The following TMEM117 variants were observed in gnomAD, a reference collection of about 807,000 sequenced individuals.
TMEM117 encodes transmembrane protein 117.
TMEM117 carries 27 observed loss-of-function variants against 52.4 expected under a neutral mutation model. The observed-to-expected ratio is 0.51, with a 90% CI of 0.38 to 0.71. TMEM117 has a LOEUF of 0.71. Among genes scored for constraint, TMEM117 ranks in the 30% least tolerant of loss-of-function variants. The probability of loss-of-function intolerance (pLI) is 0.00; values close to 1 mark genes in which losing one functional copy is unlikely to be tolerated. For missense variants in TMEM117, 556 were observed against 630.5 expected (o/e 0.88, Z 1.26); for synonymous variants, 215 against 206.3 (o/e 1.04, Z -0.36).
chr12:44,151,851 TATA>T lies in TMEM117; in HGVS notation c.510+8231_510+8233del, dbSNP rs540608518. On this transcript the variant is annotated intron_variant, in intron 4 of 7. Transcript: ENST00000266534. Reference sequence around the variant, plus strand: ...TTTAGAATAATGTTTATATATAATATATAATATTATATTTAATATATTATATAT... The same window carrying T: ...TTTAGAATAATGTTTATATATAATATATATTATATTTAATATATTATATAT... 1.4e-3 allele frequency among the ~76,000 whole-genome samples: 185 copies of T among 134,356 alleles called. 2 individuals carry two copies. Among genetic ancestry groups the T allele is most frequent in the African/African-American group, 4.7e-3 (172 of 36,786 alleles). The allele number at this position is 134,356 out of a possible 152,430, so 88.1% of individuals were successfully genotyped here.
chr12:43,797,554 TGGA>T, the TMEM117 span: 1 of 1,369,938 alleles, frequency 7.3e-7, no homozygotes, highest in Admixed American at 2.5e-5. Context: ...AACTTAGTTC[TGGA>T]TGGTTTGACT....
intron 3 of TMEM117, among the ~76,000 whole-genome samples, chr12:44,079,176 A>G (rs1310652792): frequency 1.3e-5 from 2 of 152,192 alleles, no homozygotes; most frequent in East Asian, 3.9e-4. Context: ...ATAAACATAT[A>G]TGTGCATGGT....
intron 2 of TMEM117, among the ~76,000 whole-genome samples, chr12:43,923,351 G>T (rs1319291089): frequency 6.6e-6 from 1 of 152,166 alleles, no homozygotes; most frequent in African/African-American, 2.4e-5. Flanking sequence ...GCATTTAATA[G>T]CTACCTAAAA....
At chr12:43,912,149 A>T (rs1190314061) in intron 2 of TMEM117, among the ~76,000 whole-genome samples, 1 of 150,440 alleles carries the variant, frequency 6.6e-6, no homozygotes, top group East Asian at 1.9e-4. Context: ...CATATACACC[A>T]TGGAATACTA....
At chr12:44,268,260 C>T (rs914829241) in intron 5 of TMEM117, among the ~76,000 whole-genome samples, 4 of 151,956 alleles carry the variant, frequency 2.6e-5, no homozygotes, top group African/African-American at 7.3e-5. Context: ...GCCTCAAGCT[C>T]CCAAGTAGCT....
chr12:43,820,819 T>C, the TMEM117 span, among the ~76,000 whole-genome samples: 10 of 151,778 alleles, frequency 6.6e-5, no homozygotes, highest in Admixed American at 5.9e-4. Context: ...AAGCATAAAG[T>C]GGCCGGGCGC....
rs148914104 is a variant in TMEM117 at position 44,297,832 on chromosome 12, A to T, written c.609-1748A>T. 4.5e-3 allele frequency among the ~76,000 whole-genome samples: 690 copies of T among 152,324 alleles called. 5 individuals are homozygous for T. Among genetic ancestry groups the T allele is most frequent in the African/African-American group, 0.015 (631 of 41,580 alleles). ...ATTTTGCTTAAATCCCACTATTCTT[A>T]TTACATAATACTTGCAATTTCTATC... On this transcript the variant is annotated intron_variant, in intron 5 of 7. Transcript: ENST00000266534.
chr12:44,129,733 A>G (rs1948384908), intron 3 of TMEM117, among the ~76,000 whole-genome samples: 1 of 152,214 alleles, frequency 6.6e-6, no homozygotes, highest in African/African-American at 2.4e-5. Flanking sequence ...TCCCCTTAAG[A>G]GGTACCAAGA....
At chr12:44,005,780 T>C (rs1308179727) in intron 3 of TMEM117, among the ~76,000 whole-genome samples, 1 of 152,198 alleles carries the variant, frequency 6.6e-6, no homozygotes, top group Non-Finnish European at 1.5e-5. Flanking sequence ...TGGAAGGTCA[T>C]TGAATAATGG....
At chr12:44,263,176 A>G (rs1950339908) in intron 5 of TMEM117, among the ~76,000 whole-genome samples, 1 of 152,172 alleles carries the variant, frequency 6.6e-6, no homozygotes, top group Non-Finnish European at 1.5e-5. Flanking sequence ...TGTTGCTTTT[A>G]TCTATAACAA....
At chr12:44,385,073 C>T (rs897036273) in intron 7 of TMEM117, among the ~76,000 whole-genome samples, 32 of 151,996 alleles carry the variant, frequency 2.1e-4, no homozygotes, top group Admixed American at 1.9e-3. Flanking sequence ...ATAGAATAAC[C>T]GTGGTCTAGA....
intron 6 of TMEM117, among the ~76,000 whole-genome samples, chr12:44,353,546 A>G (rs1415481409): frequency 2.6e-5 from 4 of 152,058 alleles, no homozygotes; most frequent in Admixed American, 2.6e-4. Flanking sequence ...CCATTTATTA[A>G]ATAGGGAATC....
At chr12:43,962,350 A>T (rs1165163265) in intron 3 of TMEM117, among the ~76,000 whole-genome samples, 1 of 152,224 alleles carries the variant, frequency 6.6e-6, no homozygotes, top group Non-Finnish European at 1.5e-5. Flanking sequence ...AACATAATTA[A>T]GTTAGTGTCA....
intron 5 of TMEM117, among the ~76,000 whole-genome samples, chr12:44,255,705 G>T (rs1950252364): frequency 6.6e-6 from 1 of 152,006 alleles, no homozygotes; most frequent in Middle Eastern, 3.2e-3. Flanking sequence ...ACATGCATAG[G>T]TATAGAGAAA....
At chr12:44,247,678 G>C (rs983709116) in intron 5 of TMEM117, among the ~76,000 whole-genome samples, 3 of 152,182 alleles carry the variant, frequency 2.0e-5, no homozygotes, top group Non-Finnish European at 2.9e-5. Context: ...CTAATCACCA[G>C]AGCAGCGCAA....
chr12:44,241,395 CAT>C (rs762485672), intron 5 of TMEM117, among the ~76,000 whole-genome samples: 43 of 149,818 alleles, frequency 2.9e-4, no homozygotes, highest in Non-Finnish European at 4.7e-4. Flanking sequence ...ATTAAAAAGA[CAT>C]AGTGATTCCT....
At chr12:44,278,819 C>A (rs554467951) in intron 5 of TMEM117, among the ~76,000 whole-genome samples, 1 of 152,288 alleles carries the variant, frequency 6.6e-6, no homozygotes, top group East Asian at 1.9e-4. Flanking sequence ...CTTGTCTAGG[C>A]AGATGTATCC....
At chr12:44,263,313 C>T (rs916837221) in intron 5 of TMEM117, among the ~76,000 whole-genome samples, 6 of 152,052 alleles carry the variant, frequency 3.9e-5, no homozygotes, top group South Asian at 2.1e-4. Context: ...TACCATCTCA[C>T]GCCAGTTAGA....
At chr12:43,845,449 C>T (rs140628578) in intron 2 of TMEM117, among the ~76,000 whole-genome samples, 4,208 of 116,740 alleles carry the variant, frequency 0.036, 193 homozygotes, top group African/African-American at 0.12. Flanking sequence ...TGACACAGCG[C>T]GACTCCATCT....
Sources: allele counts gnomAD v4.1 joint callset (sites outside exome capture counted in the v4.1 genomes callset), GRCh38; gene constraint gnomAD v4.1.1; transcripts MANE v1.5; gene names NCBI Gene and HGNC (gene_info 2026-07-23, HGNC 2026-07-21).